MTBP: variants seen among roughly 807,000 people sequenced by gnomAD.
MTBP encodes MDM2 binding protein.
Under a neutral mutation model 117.0 loss-of-function variants are expected in MTBP, and 101 were observed. That is an observed-to-expected ratio of 0.86 (90% confidence interval 0.73 to 1.02). The LOEUF is 1.02. Ranked by LOEUF, MTBP falls within the 50% of genes least tolerant of loss-of-function variation. MTBP has a pLI of 0.00. For missense variants in MTBP, 970 were observed against 1,030.9 expected (o/e 0.94, Z 0.81); for synonymous variants, 350 against 351.5 (o/e 1.00, Z 0.05).
At chr8:120,507,723 T>A (rs1814717148) in intron 16 of MTBP, among the ~76,000 whole-genome samples, 1 of 152,246 alleles carries the variant, frequency 6.6e-6, no homozygotes, top group Admixed American at 6.5e-5. Flanking sequence ...TAGAGAGAGA[T>A]AAAGAGCAAC....
chr8:120,468,500 C>T (rs1451260644), intron 10 of MTBP, among the ~76,000 whole-genome samples: 1 of 152,206 alleles, frequency 6.6e-6, no homozygotes, highest in African/African-American at 2.4e-5. Flanking sequence ...CCTGTGGAAG[C>T]ATTTTCCCTG....
Position 120,490,444 on chromosome 8 carries a change from T to G in MTBP, c.1340-19T>G, listed in dbSNP as rs1814320180. On this transcript the variant is annotated intron_variant, in intron 12 of 21. Coordinates refer to ENST00000305949, the MANE Select transcript of MTBP (RefSeq NM_022045.5). ...AAGGGCATCATTAATGTTGACCTTT[T>G]TTTTTTCTTATTTCTCAGGTTTTCC... 3.3e-6 allele frequency: 5 copies of G among 1,514,272 alleles called. No individual in the cohort carries two copies. Among genetic ancestry groups the G allele is most frequent in the African/African-American group, 2.8e-5 (2 of 72,156 alleles). 93.8% of individuals were successfully genotyped at this position (1,514,272 alleles called of 1,614,324 possible).
At chr8:120,496,618 T>C (rs893288366) in intron 13 of MTBP, among the ~76,000 whole-genome samples, 8 of 151,526 alleles carry the variant, frequency 5.3e-5, no homozygotes, top group Non-Finnish European at 8.8e-5. Flanking sequence ...AAGCTTGGAG[T>C]CCAACCTTTC....
At chr8:120,484,229 T>C (rs1211180876) in intron 11 of MTBP, among the ~76,000 whole-genome samples, 1 of 152,184 alleles carries the variant, frequency 6.6e-6, no homozygotes, top group Non-Finnish European at 1.5e-5. Context: ...CTGTATCTTT[T>C]GGCAAACCTT....
At chr8:120,466,749 C>T (rs1813703026) in intron 10 of MTBP, among the ~76,000 whole-genome samples, 1 of 151,914 alleles carries the variant, frequency 6.6e-6, no homozygotes, top group Non-Finnish European at 1.5e-5. Flanking sequence ...AGGCGCTTGC[C>T]TGTAGTCCCA....
chr8:120,451,518 G>A (rs1304545174), intron 4 of MTBP, 196 bp downstream of exon 4: 1 of 488,388 alleles, frequency 2.0e-6, no homozygotes, highest in African/African-American at 2.0e-5. Context: ...CTTACATAAT[G>A]TCAAGAATCA....
chr8:120,463,744 T>C lies in MTBP; in HGVS notation c.1030T>C (p.Ser344Pro). ...QNSVLLLEQI[S>P]SLCSKVGALF... The stretch of plus-strand genomic sequence containing the variant: ...TTCTGTGTTGCTGTTGGAGCAGATT[T>C]CTTCTCTGTGTAGCAAGGTATTGAG... Residue 344 changes from serine to proline, a missense_variant, in exon 10 of 22, where the codon TCT becomes CCT. Transcript: ENST00000305949. The C allele has an allele frequency of 6.2e-7, 1 of 1,612,458 alleles. No individual in the cohort carries two copies. Among genetic ancestry groups the C allele is most frequent in the Non-Finnish European group, 8.5e-7 (1 of 1,178,930 alleles).
At chr8:120,488,695 T>TCC (rs1178930822) in intron 12 of MTBP, among the ~76,000 whole-genome samples, 2 of 152,280 alleles carry the variant, frequency 1.3e-5, no homozygotes, top group East Asian at 3.9e-4. Context: ...TCCCTCTTCT[T>TCC]CCCAGGCTTT....
At position 120,451,161 on chromosome 8, in the gene MTBP, G is replaced by C; in HGVS notation, c.274-10G>C. On this transcript the variant is annotated splice_polypyrimidine_tract_variant and intron_variant, in intron 3 of 21. Coordinates refer to ENST00000305949, the MANE Select transcript of MTBP (RefSeq NM_022045.5). ...GATCCATTATTTAATACAATCTTTT[G>C]ATTTGTTAGTTTTGTAGTTCTGATT... The C allele has an allele frequency of 1.3e-6, 2 of 1,593,550 alleles. No homozygotes were observed. The highest frequency in any genetic ancestry group is 1.7e-6 in the Non-Finnish European group (2 of 1,167,580).
chr8:120,470,915 TA>T lies in MTBP; in HGVS notation c.1148del (p.Lys383SerfsTer12). ...SSRKWKEYIA[K>X]KPKTISVPDV... is the part of the protein sequence containing the mutation. ...CAAGAAAATGGAAGGAATATATAGC[TA>T]AAAAGCCTAAAACAATCAGTGGTAA... On this transcript the variant is annotated frameshift_variant, in exon 11 of 22. Coordinates refer to ENST00000305949, the MANE Select transcript of MTBP (RefSeq NM_022045.5). LOFTEE classifies it high-confidence loss of function. 6.2e-7 allele frequency: 1 copy of T among 1,600,714 alleles called. No individual in the cohort carries two copies. Among genetic ancestry groups the T allele is most frequent in the Non-Finnish European group, 8.6e-7 (1 of 1,168,682 alleles).
rs559680794 is a variant in MTBP, at chr8:120,495,562, C to A, written c.1448-1831C>A. Among the ~76,000 whole-genome samples, 6 of 151,644 alleles carry A rather than the reference C, an allele frequency of 4.0e-5. No homozygotes were observed. In the South Asian group the frequency reaches 1.2e-3, roughly 32 times the overall value. ...TCCCATTCTCTCTCTCTCTTTCTCT[C>A]TCTGGAGCTCTGGAGCTCTTACTAG... On this transcript the variant is annotated intron_variant, in intron 13 of 21. Transcript: ENST00000305949.
chr8:120,454,577 C>G (rs767576018), intron 5 of MTBP, among the ~76,000 whole-genome samples: 9 of 151,918 alleles, frequency 5.9e-5, no homozygotes, highest in Non-Finnish European at 1.0e-4. Context: ...AATATTTGTA[C>G]TAGGAGCCAA....
chr8:120,480,734 T>G (rs1005598080), intron 11 of MTBP, among the ~76,000 whole-genome samples: 8 of 152,082 alleles, frequency 5.3e-5, no homozygotes, highest in African/African-American at 1.7e-4. Flanking sequence ...AAATGAAAAT[T>G]AGCTCAAAAT....
chr8:120,497,509 A>G lies in MTBP; in HGVS notation c.1564A>G (p.Ile522Val), dbSNP rs759506302. The G allele has an allele frequency of 8.3e-6, 13 of 1,575,166 alleles. No individual in the cohort carries two copies. In the South Asian group the frequency reaches 1.5e-4, roughly 18 times the overall value. ...DYFDAVIPKM[I>V]LRKMDKIKTF... is the part of the protein sequence containing the mutation. ...TTTTGATGCTGTGATTCCTAAAATG[A>G]TTCTAAGAAAGATGGACAAAATTAA... The change falls in exon 14 of 22, where the codon ATT becomes GTT. Residue 522 changes from isoleucine (I) to valine (V), a missense_variant. Transcript: ENST00000305949.
rs757354269 is a variant in MTBP, at chr8:120,488,221, A to G, written c.1228A>G (p.Asn410Asp). 7 of 1,597,646 alleles carry G rather than the reference A, an allele frequency of 4.4e-6. No homozygotes were observed. ...TTATCTCTTGTTACAAGGTAATGGC[A>G]ATAGAAGATGTAAAGCCACATTGAT... ...SYYLLLQGNG[N>D]RRCKATLIHS... is the part of the protein sequence containing the mutation. The change falls in exon 12 of 22, where the codon AAT becomes GAT. Residue 410 changes from asparagine to aspartate, a missense_variant. Physicochemically the swap from Asn to Asp is conservative, Grantham distance 23. Transcript: ENST00000305949.
intron 15 of MTBP, among the ~76,000 whole-genome samples, chr8:120,503,426 G>A (rs1017096454): frequency 2.0e-5 from 3 of 152,114 alleles, no homozygotes; most frequent in African/African-American, 7.2e-5. Context: ...AAAAAGACTG[G>A]GGGAGAAAAA....
At chr8:120,469,166 C>T (rs1049039652) in intron 10 of MTBP, among the ~76,000 whole-genome samples, 6 of 152,134 alleles carry the variant, frequency 3.9e-5, no homozygotes, top group East Asian at 1.9e-4. Flanking sequence ...CTGCCTCAGC[C>T]TCCCAAGTAT....
chr8:120,515,515 T>C (rs1382509624), intron 17 of MTBP, among the ~76,000 whole-genome samples: 1 of 152,062 alleles, frequency 6.6e-6, no homozygotes, highest in East Asian at 1.9e-4. Flanking sequence ...ACCCTTTTAA[T>C]CTTTGTGTTG....
At chr8:120,483,274 T>C (rs1814133915) in intron 11 of MTBP, among the ~76,000 whole-genome samples, 1 of 152,134 alleles carries the variant, frequency 6.6e-6, no homozygotes, top group South Asian at 2.1e-4. Flanking sequence ...AGTGATCTCA[T>C]TGTTGAAAAG....
Sources: gnomAD v4.1 joint callset for allele counts (sites outside exome capture counted in the v4.1 genomes callset) on GRCh38, gnomAD v4.1.1 for gene constraint, MANE v1.5 for transcripts, NCBI Gene and HGNC (gene_info 2026-07-23, HGNC 2026-07-21) for gene names.